The following MN1 variants were observed in gnomAD, a reference collection of about 807,000 sequenced individuals.
The protein encoded by MN1 is MN1 proto-oncogene, transcriptional regulator.
A neutral mutation model predicts 86.9 loss-of-function variants in MN1; 19 were observed. The observed-to-expected ratio is 0.22, with a 90% CI of 0.15 to 0.32. The LOEUF is 0.32. Ranked by LOEUF, MN1 falls within the 10% of genes least tolerant of loss-of-function variation. The pLI is 1.00. For synonymous variants in MN1, 928 were observed against 849.6 expected (o/e 1.09, Z -1.60); for missense variants, 1,841 against 1,862.0 (o/e 0.99, Z 0.21).
intron 1 of MN1, among the ~76,000 whole-genome samples, chr22:27,778,014 G>A (rs974792564): frequency 6.6e-6 from 1 of 152,100 alleles, no homozygotes; most frequent in Admixed American, 6.6e-5. Flanking sequence ...AGCTTTTAAG[G>A]GCTACACATG....
intron 1 of MN1, among the ~76,000 whole-genome samples, chr22:27,781,129 A>G (rs1933048610): frequency 6.6e-6 from 1 of 152,056 alleles, no homozygotes; most frequent in Non-Finnish European, 1.5e-5. Flanking sequence ...ACAGGGTCTC[A>G]CTTGTTGCCC....
intron 1 of MN1, among the ~76,000 whole-genome samples, chr22:27,761,240 A>C (rs1480607660): frequency 1.4e-5 from 2 of 143,244 alleles, no homozygotes; most frequent in African/African-American, 2.6e-5. Flanking sequence ...TCTCTCCCTC[A>C]TGTCTTGCTC....
intron 1 of MN1, among the ~76,000 whole-genome samples, chr22:27,757,135 G>A (rs2146294434): frequency 6.6e-6 from 1 of 152,252 alleles, no homozygotes; most frequent in African/African-American, 2.4e-5. Context: ...GGTCCAGAGA[G>A]TCAGAGCCTG....
chr22:27,794,813 TGTTG>T (rs761921797), intron 1 of MN1, among the ~76,000 whole-genome samples: 4 of 127,442 alleles, frequency 3.1e-5, no homozygotes, highest in South Asian at 2.6e-4. Context: ...AAATCAGGGT[TGTTG>T]TTTTTTTTTT....
At chr22:27,769,638 C>T (rs1056312214) in intron 1 of MN1, among the ~76,000 whole-genome samples, 1 of 144,008 alleles carries the variant, frequency 6.9e-6, no homozygotes, top group African/African-American at 2.6e-5. Flanking sequence ...CTGCAAGCTC[C>T]GCCTCCTGGG....
chr22:27,780,398 C>A (rs1230245480), intron 1 of MN1, among the ~76,000 whole-genome samples: 1 of 152,200 alleles, frequency 6.6e-6, no homozygotes, highest in Non-Finnish European at 1.5e-5. Flanking sequence ...CAACCCACTT[C>A]CTGCAGAGCT....
In MN1 at chr22:27,751,094, G is replaced by A; in HGVS notation, c.3784C>T (p.His1262Tyr). 1 of 1,567,164 alleles carries A rather than the reference G, an allele frequency of 6.4e-7. No individual in the cohort carries two copies. Among genetic ancestry groups the A allele is most frequent in the Non-Finnish European group, 8.7e-7 (1 of 1,152,474 alleles). The change falls in exon 2 of 2, where the codon CAC (histidine) becomes TAC (tyrosine). Residue 1262 changes from histidine to tyrosine, a missense_variant and splice_region_variant. Physicochemically the swap from His to Tyr is moderately conservative, Grantham distance 83 (BLOSUM62 2). Transcript: ENST00000302326. ...GAGGCCTTGTTTGCAGGGAGGTCGT[G>A]GGCTGTGGAGAGAGAAGGAAGAGAG... ...KPQNPNSKEA[H>Y]DLPANKASAS...
In MN1 at chr22:27,748,485, A is replaced by C. The variant is rs1601671553; in HGVS notation, c.*2430T>G. The stretch of plus-strand genomic sequence containing the variant: ...TCTTTTAAGAGTCAAAAAAGATTAC[A>C]GGATTGCCTAACACACAGCAGAGTT... On this transcript the variant is annotated 3_prime_UTR_variant, in exon 2 of 2. Transcript: ENST00000302326. 1.5e-5 allele frequency: 3 copies of C among 197,946 alleles called. No individual in the cohort carries two copies. In the East Asian group the frequency reaches 2.4e-4, roughly 16 times the overall value. The allele number at this position is 197,946 out of a possible 1,614,324, so 12.3% of individuals were successfully genotyped here.
In MN1 at chr22:27,799,562, C is replaced by G. The variant is rs1568985822; in HGVS notation, c.982G>C (p.Glu328Gln). Residue 328 changes from glutamate (E) to glutamine (Q), a missense_variant, in exon 1 of 2, where the codon GAG becomes CAG. Glu to Gln is a conservative substitution (Grantham distance 29, BLOSUM62 2). Coordinates refer to ENST00000302326, the MANE Select transcript of MN1 (RefSeq NM_002430.3). ...SGARKMPVGL[E>Q]PSVGSRHPLM... is the part of the protein sequence containing the mutation. Reference sequence around the variant, plus strand: ...GGGTGCCTGGAGCCCACTGAGGGCTCCAGACCCACAGGCATCTTTCTGGCC... The same window carrying G: ...GGGTGCCTGGAGCCCACTGAGGGCTGCAGACCCACAGGCATCTTTCTGGCC... 6.7e-7 allele frequency: 1 copy of G among 1,487,006 alleles called. No individual in the cohort carries two copies. Among genetic ancestry groups the G allele is most frequent in the African/African-American group, 1.4e-5 (1 of 70,844 alleles). 92.1% of individuals were successfully genotyped at this position (1,487,006 alleles called of 1,614,324 possible). A position where few individuals can be genotyped will look rare whatever the true frequency, so the allele number is the denominator to read the frequency against.
At chr22:27,755,781 A>C (rs1449222568) in intron 1 of MN1, among the ~76,000 whole-genome samples, 1 of 152,200 alleles carries the variant, frequency 6.6e-6, no homozygotes, top group Non-Finnish European at 1.5e-5. Flanking sequence ...CAATGGAGAC[A>C]GTCAGTTCCA....
chr22:27,755,250 T>C lies in MN1; in HGVS notation c.3782-4154A>G, dbSNP rs570373600. ...TCTGCAACTTGGGGGTGGTGATTCC[T>C]GCTGAGCCCGGCTAAGAGCAGCATG... On this transcript the variant is annotated intron_variant, in intron 1 of 1. Coordinates refer to ENST00000302326, the MANE Select transcript of MN1 (RefSeq NM_002430.3). 8.4e-4 allele frequency among the ~76,000 whole-genome samples: 128 copies of C among 152,298 alleles called. 1 individual carries two copies. Among genetic ancestry groups the C allele is most frequent in the African/African-American group, 3.0e-3 (125 of 41,558 alleles).
chr22:27,778,277 C>G (rs531816763), intron 1 of MN1, among the ~76,000 whole-genome samples: 1 of 152,324 alleles, frequency 6.6e-6, no homozygotes, highest in South Asian at 2.1e-4. Flanking sequence ...CATTTTCTCA[C>G]TGGTTGGCGT....
At chr22:27,769,536 A>G (rs1371485807) in intron 1 of MN1, among the ~76,000 whole-genome samples, 5 of 140,438 alleles carry the variant, frequency 3.6e-5, no homozygotes, top group Non-Finnish European at 7.7e-5. Flanking sequence ...ACGAAGCAAT[A>G]ATATCAAGGA....
In MN1 at chr22:27,800,151, A is replaced by G. The variant is rs1933405154; in HGVS notation, c.393T>C (p.Gly131=). Residue 131 remains glycine, a synonymous_variant, in exon 1 of 2, where the codon GGT becomes GGC. Coordinates refer to ENST00000302326, the MANE Select transcript of MN1 (RefSeq NM_002430.3). ...CTGCGCCGCCGTAGCCGAGCAGGCG[A>G]CCCCCGTGCAGGCACGAGGCCCCGG... is the stretch of plus-strand genomic sequence containing the variant. ...PDPGASCLHG[G]RLLGYGGAAG... The G allele has an allele frequency of 1.9e-6, 3 of 1,549,156 alleles. No individual in the cohort carries two copies. The highest frequency in any genetic ancestry group is 1.4e-5 in the African/African-American group (1 of 72,394).
chr22:27,798,826 G>T lies in MN1; in HGVS notation c.1718C>A (p.Pro573His). The change falls in exon 1 of 2, where the codon CCC becomes CAC. Residue 573 changes from proline (P) to histidine (H), a missense_variant. Pro to His is a moderately conservative substitution (Grantham distance 77). Transcript: ENST00000302326. ...GGGGTGGCCTAGCTGAGCCAGGTTG[G>T]GCTGGCGCAGCCGCTGCTGCTGATT... ...SRNQQQRLRQPNLAQLGHPGD... is the reference protein window; with the variant it reads ...SRNQQQRLRQHNLAQLGHPGD... 6.5e-7 allele frequency: 1 copy of T among 1,538,224 alleles called. No homozygotes were observed. The highest frequency in any genetic ancestry group is 8.7e-7 in the Non-Finnish European group (1 of 1,146,526).
In MN1 at chr22:27,799,461, C is replaced by T; in HGVS notation, c.1083G>A (p.Pro361=). The T allele has an allele frequency of 6.9e-7, 1 of 1,453,108 alleles. No homozygotes were observed. The highest frequency in any genetic ancestry group is 1.5e-5 in the South Asian group (1 of 68,442). 90.0% of individuals were successfully genotyped at this position (1,453,108 alleles called of 1,614,324 possible). A position where few individuals can be genotyped will look rare whatever the true frequency, so the allele number is the denominator to read the frequency against. The change falls in exon 1 of 2, where the codon CCG becomes CCA. Residue 361 remains proline (P), a synonymous_variant. Coordinates refer to ENST00000302326, the MANE Select transcript of MN1 (RefSeq NM_002430.3). The stretch of plus-strand genomic sequence containing the variant: ...GGACTAGAAGCCCGGGTGGCGGCGG[C>T]GGCTGCTGCTGTGGCGGCTGCTGCG... ...QPPQQPPQQQ[P]PPPPGLLVRQ...
chr22:27,791,868 T>C (rs1933215962), intron 1 of MN1: 1 of 152,190 alleles, frequency 6.6e-6, no homozygotes, highest in Non-Finnish European at 1.5e-5. Context: ...TTCTGCTACA[T>C]TTTCCAGCAT....
intron 1 of MN1, among the ~76,000 whole-genome samples, chr22:27,767,833 T>C: frequency 6.6e-6 from 1 of 151,882 alleles, no homozygotes; most frequent in Non-Finnish European, 1.5e-5. Context: ...TATCAGCAAA[T>C]TGGAGGGTAA....
chr22:27,751,157 A>AT lies in MN1; in HGVS notation c.3782-62dup, dbSNP rs906323586. 7.0e-6 allele frequency: 10 copies of AT among 1,431,918 alleles called. No homozygotes were observed. The African/African-American group carries it at 1.4e-4, about 20-fold the overall frequency. 88.7% of individuals were successfully genotyped at this position (1,431,918 alleles called of 1,614,324 possible). A position where few individuals can be genotyped will look rare whatever the true frequency, so the allele number is the denominator to read the frequency against. On this transcript the variant is annotated intron_variant, in intron 1 of 1. Coordinates refer to ENST00000302326, the MANE Select transcript of MN1 (RefSeq NM_002430.3). ...ACACTCGTCTCTGAGGGACACCATA[A>AT]TGGGGGCCAAAGTGGCAGAGGCATA... is the stretch of plus-strand genomic sequence containing the variant.
Sources: gnomAD v4.1 joint callset for allele counts (sites outside exome capture counted in the v4.1 genomes callset) on GRCh38, gnomAD v4.1.1 for gene constraint, MANE v1.5 for transcripts, NCBI Gene and HGNC (gene_info 2026-07-23, HGNC 2026-07-21) for gene names.